The following SCFD1 variants were observed in gnomAD, a reference collection of about 807,000 sequenced individuals.
SCFD1 encodes the protein sec1 family domain-containing protein 1.
SCFD1 carries 37 observed loss-of-function variants against 103.2 expected under a neutral mutation model. That is an observed-to-expected ratio of 0.36 (90% CI 0.28 to 0.47). The LOEUF (loss-of-function observed/expected upper bound fraction) is 0.47. Ranked by LOEUF, SCFD1 falls within the 20% of genes least tolerant of loss-of-function variation. The pLI is 1.00. For missense variants in SCFD1, 639 were observed against 761.2 expected (o/e 0.84, Z 1.89); for synonymous variants, 264 against 245.0 (o/e 1.08, Z -0.73).
At chr14:30,647,220 TA>T in intron 7 of SCFD1, among the ~76,000 whole-genome samples, 1 of 152,286 alleles carries the variant, frequency 6.6e-6, no homozygotes, top group East Asian at 1.9e-4. Context: ...ACCTTTTTGT[TA>T]AAATGATTCT....
chr14:30,683,891 A>T (rs1328076760), intron 14 of SCFD1, among the ~76,000 whole-genome samples: 2 of 152,222 alleles, frequency 1.3e-5, no homozygotes, highest in Non-Finnish European at 2.9e-5. Flanking sequence ...TGGGGATAGA[A>T]TTGGGGCTGA....
At chr14:30,717,805 A>C (rs1892382489) in intron 20 of SCFD1, among the ~76,000 whole-genome samples, 1 of 150,410 alleles carries the variant, frequency 6.6e-6, no homozygotes, top group South Asian at 2.1e-4. Flanking sequence ...AATTGCTTGA[A>C]CCTGGGAGGT....
rs1892674952 is a variant in SCFD1 at position 30,721,887 on chromosome 14, A to G, written c.1740A>G (p.Ser580=). 1 of 1,608,404 alleles carries G rather than the reference A, an allele frequency of 6.2e-7. No homozygotes were observed. Among genetic ancestry groups the G allele is most frequent in the African/African-American group, 1.3e-5 (1 of 74,820 alleles). The change falls in exon 22 of 25, where the codon TCA becomes TCG. Residue 580 remains serine (S), a synonymous_variant. Transcript: ENST00000458591. ...TTACGGTTTTTCTTTATTACAGCTC[A>G]GTTCCCAGAAATAAAAATCCATTCC... ...DPKMLRGNDS[S]VPRNKNPFQE...
chr14:30,653,358 G>A (rs1053000383), intron 9 of SCFD1, 131 bp from the exon 10 acceptor site: 3 of 631,536 alleles, frequency 4.8e-6, no homozygotes, highest in Non-Finnish European at 8.2e-6. Flanking sequence ...AAAAAACAAA[G>A]TATTAGGAAT....
At position 30,670,306 on chromosome 14, in the gene SCFD1, C is replaced by T. The variant is rs1174676916; in HGVS notation, c.906C>T (p.Asn302=). 2 of 1,597,122 alleles carry T rather than the reference C, an allele frequency of 1.3e-6. No individual in the cohort carries two copies. Among genetic ancestry groups the T allele is most frequent in the Admixed American group, 3.6e-5 (2 of 56,054 alleles). ...VNLEESSGVE[N]SPAGARPKRK... ...TGGAAGAATCTTCAGGAGTGGAAAA[C>T]TCTCCAGCTGGTGCTAGACCAAAGA... Residue 302 remains asparagine (N), a synonymous_variant, in exon 11 of 25, where the codon AAC becomes AAT. Transcript: ENST00000458591.
At chr14:30,724,513 A>C (rs1892906755) in intron 23 of SCFD1, among the ~76,000 whole-genome samples, 1 of 151,998 alleles carries the variant, frequency 6.6e-6, no homozygotes, top group Non-Finnish European at 1.5e-5. Flanking sequence ...TCAGCCTCCT[A>C]AAGTGCTGAG....
chr14:30,641,142 CATTCTTTATCATTATGTAATCA>C (rs1885230363), intron 6 of SCFD1, among the ~76,000 whole-genome samples: 1 of 152,130 alleles, frequency 6.6e-6, no homozygotes. Flanking sequence ...CCAGAGATAA[CATTCTTTATCATTATGTAATCA>C]TATACCTAAT....
intron 15 of SCFD1, among the ~76,000 whole-genome samples, chr14:30,696,600 G>A (rs1262892915): frequency 6.6e-6 from 1 of 152,226 alleles, no homozygotes; most frequent in Non-Finnish European, 1.5e-5. Flanking sequence ...GGAATAGAGG[G>A]AGGATTAGTA....
chr14:30,673,726 C>T (rs529663514), intron 12 of SCFD1, among the ~76,000 whole-genome samples, 198 bp from the exon 13 acceptor site: 2 of 152,120 alleles, frequency 1.3e-5, no homozygotes, highest in South Asian at 2.1e-4. Flanking sequence ...ATTAGACTGG[C>T]GATTACTAGA....
At position 30,690,878 on chromosome 14, in the gene SCFD1, G is replaced by C. The variant is rs181216407; in HGVS notation, c.1243-3895G>C. On this transcript the variant is annotated intron_variant, in intron 14 of 24. Transcript: ENST00000458591. ...TTATTGAAGCTACTGAAGAATCTCA[G>C]TTTATTATCTTGACCTTGTTATTTT... Among the ~76,000 whole-genome samples, 290 of 152,300 alleles carry C rather than the reference G, an allele frequency of 1.9e-3. 1 individual carries two copies. The highest frequency in any genetic ancestry group is 3.1e-3 in the Non-Finnish European group (210 of 68,020).
chr14:30,657,654 A>G lies in SCFD1; in HGVS notation c.855+4066A>G, dbSNP rs140744176. On this transcript the variant is annotated intron_variant, in intron 10 of 24. Transcript: ENST00000458591. ...TGCAGTTTCTGGATATGAACAAACTATAACTGAGATGTCATAAATTATAAT... is the reference window on the plus strand; with the variant it reads ...TGCAGTTTCTGGATATGAACAAACTGTAACTGAGATGTCATAAATTATAAT... Among the ~76,000 whole-genome samples, 50 of 152,324 alleles carry G rather than the reference A, an allele frequency of 3.3e-4. 1 individual carries two copies. Among genetic ancestry groups the G allele is most frequent in the African/African-American group, 1.1e-3 (46 of 41,564 alleles).
chr14:30,668,990 T>C (rs1258536236), intron 10 of SCFD1, among the ~76,000 whole-genome samples: 1 of 152,170 alleles, frequency 6.6e-6, no homozygotes, highest in Non-Finnish European at 1.5e-5. Flanking sequence ...GAAGACAGTG[T>C]GGTGATTCCT....
chr14:30,734,364 G>C (rs1594783855), intron 23 of SCFD1: 2 of 182,148 alleles, frequency 1.1e-5, no homozygotes, highest in East Asian at 2.6e-4. Context: ...TGTTGCTCAA[G>C]TGAGACTAAA....
At chr14:30,728,131 C>T (rs1893183136) in intron 23 of SCFD1, among the ~76,000 whole-genome samples, 1 of 152,114 alleles carries the variant, frequency 6.6e-6, no homozygotes, top group Non-Finnish European at 1.5e-5. Context: ...GTTATTACTC[C>T]ACCCCTCCCT....
chr14:30,643,370 T>G lies in SCFD1; in HGVS notation c.578T>G (p.Ile193Arg), dbSNP rs745339528. 6.2e-7 allele frequency: 1 copy of G among 1,613,666 alleles called. No homozygotes were observed. Among genetic ancestry groups the G allele is most frequent in the Non-Finnish European group, 8.5e-7 (1 of 1,179,620 alleles). ...DTEMETVMDT[I>R]VDSLFCFFVT... ...GAAATGGAAACTGTTATGGACACTATAGTTGACAGCCTCTTCTGCTTTTTT... is the reference window on the plus strand; with the variant it reads ...GAAATGGAAACTGTTATGGACACTAGAGTTGACAGCCTCTTCTGCTTTTTT... Residue 193 changes from isoleucine to arginine, a missense_variant, in exon 7 of 25, where the codon ATA becomes AGA. By Grantham distance (97) the Ile-to-Arg change is moderately conservative. Coordinates refer to ENST00000458591, the MANE Select transcript of SCFD1 (RefSeq NM_016106.4).
At chr14:30,695,906 A>T (rs1276472820) in intron 15 of SCFD1, among the ~76,000 whole-genome samples, 4 of 152,072 alleles carry the variant, frequency 2.6e-5, no homozygotes, top group African/African-American at 9.7e-5. Flanking sequence ...ACAGGCAAAA[A>T]TAGTAAAAAA....
chr14:30,729,704 CAA>C (rs1342742606), intron 23 of SCFD1, among the ~76,000 whole-genome samples: 1 of 152,162 alleles, frequency 6.6e-6, no homozygotes, highest in African/African-American at 2.4e-5. Context: ...CAAATGTCTA[CAA>C]AGACTGTGTT....
chr14:30,644,782 G>A (rs1256366143), intron 7 of SCFD1, among the ~76,000 whole-genome samples: 1 of 152,080 alleles, frequency 6.6e-6, no homozygotes, highest in East Asian at 1.9e-4. Context: ...CATTCTGTAG[G>A]TTGTCCATTC....
chr14:30,684,728 CTTT>C (rs766941201), intron 14 of SCFD1, among the ~76,000 whole-genome samples: 1 of 56,918 alleles, frequency 1.8e-5, no homozygotes, highest in Non-Finnish European at 3.7e-5. Context: ...CTCACTTATT[CTTT>C]TTTTTTTTTT....
Sources: gnomAD v4.1 joint callset for allele counts (sites outside exome capture counted in the v4.1 genomes callset) on GRCh38, gnomAD v4.1.1 for gene constraint, MANE v1.5 for transcripts, NCBI Gene and HGNC (gene_info 2026-07-23, HGNC 2026-07-21) for gene names.